Variants in ARMH3 observed in about 807,000 individuals in gnomAD.
The protein encoded by ARMH3 is armadillo like helical domain containing 3.
A neutral mutation model predicts 99.1 loss-of-function variants in ARMH3; 60 were observed. The ratio of observed to expected loss-of-function variants is 0.61; its 90% confidence interval spans 0.49 to 0.75. ARMH3 has a LOEUF of 0.75. Among genes scored for constraint, ARMH3 ranks in the 30% least tolerant of loss-of-function variants. ARMH3 has a pLI of 0.00. For synonymous variants in ARMH3, 285 were observed against 292.8 expected (o/e 0.97, Z 0.27); for missense variants, 679 against 843.1 (o/e 0.81, Z 2.41).
At chr10:102,036,768 A>T (rs371429431) in intron 2 of ARMH3, among the ~76,000 whole-genome samples, 3 of 151,816 alleles carry the variant, frequency 2.0e-5, no homozygotes, top group East Asian at 3.9e-4. Flanking sequence ...GGAAAACCAG[A>T]GACCTTTGTT....
intron 13 of ARMH3, among the ~76,000 whole-genome samples, chr10:102,008,931 T>C (rs1184836354): frequency 2.6e-5 from 4 of 152,196 alleles, no homozygotes; most frequent in African/African-American, 9.7e-5. Context: ...ACAGCTAACC[T>C]TAACCTGGCC....
intron 23 of ARMH3, among the ~76,000 whole-genome samples, chr10:101,892,450 C>T (rs1564727077): frequency 6.6e-6 from 1 of 152,070 alleles, no homozygotes; most frequent in African/African-American, 2.4e-5. Context: ...TATAACGAGA[C>T]CTTCTCTCAA....
chr10:101,974,476 G>C (rs1376525303), intron 20 of ARMH3, among the ~76,000 whole-genome samples: 2 of 152,164 alleles, frequency 1.3e-5, no homozygotes, highest in African/African-American at 2.4e-5. Flanking sequence ...CTAGTAGCAA[G>C]CAACTGCCTC....
intron 23 of ARMH3, among the ~76,000 whole-genome samples, chr10:101,933,971 A>G (rs1011305346): frequency 2.0e-5 from 3 of 152,254 alleles, no homozygotes; most frequent in Admixed American, 6.5e-5. Flanking sequence ...AGTGAATTAT[A>G]GCAATGCAGC....
At chr10:101,864,685 T>C (rs368972740) in intron 24 of ARMH3, among the ~76,000 whole-genome samples, 30 of 152,198 alleles carry the variant, frequency 2.0e-4, no homozygotes, top group South Asian at 1.2e-3. Context: ...TAGGTGGGAA[T>C]TGAACAATGA....
intron 19 of ARMH3, among the ~76,000 whole-genome samples, chr10:101,987,127 T>C (rs549789613): frequency 1.3e-5 from 2 of 152,280 alleles, no homozygotes; most frequent in African/African-American, 4.8e-5. Flanking sequence ...AATCTTATCA[T>C]ATCAGCCCCA....
Position 101,914,864 on chromosome 10 carries a change from C to CAAAAAAAAAAAAAAAAA in ARMH3, c.1781+24982_1781+24998dup. Among the ~76,000 whole-genome samples, 2 of 66,600 alleles carry CAAAAAAAAAAAAAAAAA rather than the reference C, an allele frequency of 3.0e-5. 1 individual carries two copies. The highest frequency in any genetic ancestry group is 5.3e-5 in the Non-Finnish European group (2 of 37,478). The allele number at this position is 66,600 out of a possible 152,430, so 43.7% of individuals were successfully genotyped here. On this transcript the variant is annotated intron_variant, in intron 23 of 25. Coordinates refer to ENST00000370033, the MANE Select transcript of ARMH3 (RefSeq NM_024541.3). ...CCTAGGTGACAGTGAAAATCCATCT[C>CAAAAAAAAAAAAAAAAA]AAAAAAAAAAAAAAAAAAAAAGCAA... is the stretch of plus-strand genomic sequence containing the variant.
At chr10:101,993,415 T>C (rs2136018761) in intron 17 of ARMH3, 123 bp downstream of exon 17, 1 of 650,794 alleles carries the variant, frequency 1.5e-6, no homozygotes, top group Non-Finnish European at 2.6e-6. Context: ...ACAGCCGTCA[T>C]GCAAAGCCCT....
intron 22 of ARMH3, among the ~76,000 whole-genome samples, chr10:101,942,193 G>T (rs1041376331): frequency 2.0e-5 from 3 of 152,186 alleles, no homozygotes; most frequent in African/African-American, 7.2e-5. Flanking sequence ...CATTTATGTA[G>T]TAAATTATAG....
At chr10:101,950,566 T>A (rs909592786) in intron 22 of ARMH3, among the ~76,000 whole-genome samples, 1 of 152,204 alleles carries the variant, frequency 6.6e-6, no homozygotes, top group African/African-American at 2.4e-5. Flanking sequence ...AATTGATGAA[T>A]GGATAAATAA....
intron 23 of ARMH3, among the ~76,000 whole-genome samples, chr10:101,924,447 C>T (rs539225990): frequency 2.6e-5 from 4 of 151,014 alleles, no homozygotes; most frequent in Non-Finnish European, 4.4e-5. Context: ...CTGCAAGCTC[C>T]GCCTCCCAGG....
intron 2 of ARMH3, among the ~76,000 whole-genome samples, chr10:102,038,156 G>C (rs1297464045): frequency 6.9e-6 from 1 of 144,428 alleles, no homozygotes; most frequent in Non-Finnish European, 1.5e-5. Context: ...GTGCAGTGGC[G>C]CGATCTCAGC....
At chr10:102,046,557 C>G (rs1005927737) in intron 1 of ARMH3, among the ~76,000 whole-genome samples, 2 of 152,168 alleles carry the variant, frequency 1.3e-5, no homozygotes, top group African/African-American at 4.8e-5. Context: ...GAGGCTGAGA[C>G]AGAAGAATCG....
intron 24 of ARMH3, among the ~76,000 whole-genome samples, chr10:101,870,680 T>A (rs1168795980): frequency 3.9e-5 from 6 of 152,196 alleles, no homozygotes; most frequent in Non-Finnish European, 8.8e-5. Context: ...AAACCAATCC[T>A]ATACAAACTC....
intron 23 of ARMH3, among the ~76,000 whole-genome samples, chr10:101,893,043 A>T (rs541163176): frequency 1.3e-5 from 2 of 152,374 alleles, no homozygotes; most frequent in East Asian, 3.9e-4. Context: ...GCAAGGCTCA[A>T]GGATGTTGGC....
intron 19 of ARMH3, among the ~76,000 whole-genome samples, chr10:101,981,593 G>C (rs944191866): frequency 3.3e-5 from 5 of 152,172 alleles, no homozygotes; most frequent in Middle Eastern, 3.2e-3. Context: ...AGCCTCCATT[G>C]CTACCTTATT....
At chr10:101,980,456 G>A (rs1470467330) in intron 19 of ARMH3, among the ~76,000 whole-genome samples, 5 of 152,022 alleles carry the variant, frequency 3.3e-5, no homozygotes, top group South Asian at 4.1e-4. Flanking sequence ...CTGCCACCAT[G>A]CCTGGCTGAT....
At chr10:102,032,027 C>T (rs911389831) in intron 4 of ARMH3, among the ~76,000 whole-genome samples, 2 of 152,258 alleles carry the variant, frequency 1.3e-5, no homozygotes, top group African/African-American at 2.4e-5. Context: ...CATGAGCCAC[C>T]GCGCCCAGCC....
intron 8 of ARMH3, among the ~76,000 whole-genome samples, chr10:102,021,871 T>C (rs2136159297): frequency 6.6e-6 from 1 of 152,128 alleles, no homozygotes; most frequent in Non-Finnish European, 1.5e-5. Flanking sequence ...AAATTTTTTT[T>C]TGTAGAGACT....
Sources: allele counts gnomAD v4.1 joint callset (sites outside exome capture counted in the v4.1 genomes callset), GRCh38; gene constraint gnomAD v4.1.1; transcripts MANE v1.5; gene names NCBI Gene and HGNC (gene_info 2026-07-23, HGNC 2026-07-21).